Variants in AFF3 observed in about 807,000 individuals in gnomAD.
The protein encoded by AFF3 is ALF transcription elongation factor 3, also known as AF4/FMR2 family member 3.
AFF3 carries 32 observed loss-of-function variants against 129.7 expected under a neutral mutation model. The ratio of observed to expected loss-of-function variants is 0.25; its 90% CI spans 0.19 to 0.33. The LOEUF (loss-of-function observed/expected upper bound fraction) is 0.33, where lower values mean the gene tolerates loss of function less well. Ranked by LOEUF, AFF3 falls within the 10% of genes least tolerant of loss-of-function variation. The probability of loss-of-function intolerance (pLI) is 1.00; values close to 1 mark genes in which losing one functional copy is unlikely to be tolerated. For synonymous variants in AFF3, 644 were observed against 635.4 expected (o/e 1.01, Z -0.20); for missense variants, 1,373 against 1,592.0 (o/e 0.86, Z 2.34).
At chr2:99,699,689 C>T (rs1230325757) in intron 11 of AFF3, among the ~76,000 whole-genome samples, 1 of 152,186 alleles carries the variant, frequency 6.6e-6, no homozygotes. Flanking sequence ...CCTCAATTCA[C>T]ACACAAAAGT....
chr2:100,047,471 A>G (rs1466581458), intron 4 of AFF3, among the ~76,000 whole-genome samples: 2 of 152,228 alleles, frequency 1.3e-5, no homozygotes, highest in Non-Finnish European at 2.9e-5. Context: ...GGCACAACAC[A>G]GACCCCGTCC....
intron 11 of AFF3, among the ~76,000 whole-genome samples, chr2:99,689,506 A>T (rs1475876223): frequency 1.3e-5 from 2 of 151,944 alleles, no homozygotes; most frequent in Non-Finnish European, 2.9e-5. Flanking sequence ...ACCCATGTCT[A>T]TTAGTGCACT....
intron 7 of AFF3, among the ~76,000 whole-genome samples, chr2:99,944,753 G>A (rs991685792): frequency 4.6e-5 from 7 of 152,148 alleles, no homozygotes; most frequent in Admixed American, 3.3e-4. Flanking sequence ...CACGGGGCTC[G>A]CCTCTAGCCA....
intron 4 of AFF3, among the ~76,000 whole-genome samples, chr2:100,050,870 T>C (rs1181498838): frequency 1.3e-5 from 2 of 152,330 alleles, no homozygotes; most frequent in Middle Eastern, 3.4e-3. Flanking sequence ...GGGATGCTGC[T>C]ATTGACTAAT....
intron 7 of AFF3, among the ~76,000 whole-genome samples, chr2:100,004,092 T>G (rs1313684710): frequency 2.6e-5 from 4 of 152,208 alleles, no homozygotes; most frequent in Non-Finnish European, 5.9e-5. Flanking sequence ...GCCCTCCTTG[T>G]TTTTATGTCA....
intron 13 of AFF3, among the ~76,000 whole-genome samples, chr2:99,605,257 G>A (rs1379666981): frequency 6.6e-6 from 1 of 152,192 alleles, no homozygotes; most frequent in Non-Finnish European, 1.5e-5. Context: ...TAAAACAGCT[G>A]AGAGAGCCAA....
rs539962325 is a variant in AFF3 at position 99,894,532 on chromosome 2, G to A, written c.874-57008C>T. ...CGCCCAGGCTGGAGTGCAGTGGCGC[G>A]ATCTCAGCTCACTGCAAGCTCTGCC... On this transcript the variant is annotated intron_variant, in intron 7 of 24. Coordinates refer to ENST00000672756, the MANE Select transcript of AFF3 (RefSeq NM_001386135.1). Among the ~76,000 whole-genome samples the A allele has an allele frequency of 6.0e-3, 915 of 151,356 alleles. 6 individuals are homozygous for A. The highest frequency in any genetic ancestry group is 0.011 in the Non-Finnish European group (718 of 67,870).
chr2:99,895,401 A>G lies in AFF3; in HGVS notation c.874-57877T>C, dbSNP rs781752175. On this transcript the variant is annotated intron_variant, in intron 7 of 24. Coordinates refer to ENST00000672756, the MANE Select transcript of AFF3 (RefSeq NM_001386135.1). ...AACATTGAGTAGAAGTGTGTCTTTGATTTTAAAAAGATGATATGCTGAAAT... is the reference window on the plus strand; with the variant it reads ...AACATTGAGTAGAAGTGTGTCTTTGGTTTTAAAAAGATGATATGCTGAAAT... 2.0e-5 allele frequency among the ~76,000 whole-genome samples: 3 copies of G among 152,196 alleles called. No homozygotes were observed. The South Asian group carries it at 6.2e-4, about 32-fold the overall frequency.
intron 4 of AFF3, among the ~76,000 whole-genome samples, chr2:100,059,594 T>C (rs901412311): frequency 3.3e-5 from 5 of 152,198 alleles, no homozygotes; most frequent in Admixed American, 2.6e-4. Flanking sequence ...TTGTACACTT[T>C]ATATAGATGA....
At chr2:99,810,307 A>G (rs1433561954) in intron 8 of AFF3, among the ~76,000 whole-genome samples, 1 of 152,256 alleles carries the variant, frequency 6.6e-6, no homozygotes, top group Non-Finnish European at 1.5e-5. Flanking sequence ...GCAACCCCAG[A>G]GAAGTCCCTT....
At chr2:99,958,054 C>T (rs1676834979) in intron 7 of AFF3, among the ~76,000 whole-genome samples, 1 of 152,184 alleles carries the variant, frequency 6.6e-6, no homozygotes, top group Admixed American at 6.5e-5. Flanking sequence ...CCAATAAGAA[C>T]ACTGTTTTAA....
At chr2:99,778,229 CCTCCTT>C (rs926480517) in intron 8 of AFF3, among the ~76,000 whole-genome samples, 73 of 152,276 alleles carry the variant, frequency 4.8e-4, no homozygotes, top group African/African-American at 1.7e-3. Context: ...CTGGTCTCCT[CCTCCTT>C]CTCCTTCTCA....
Position 100,134,583 on chromosome 2 carries a change from T to G in AFF3, c.-227-5277A>C, listed in dbSNP as rs570278539. On this transcript the variant is annotated intron_variant, in intron 1 of 24. Transcript: ENST00000672756. ...CAAAAAACTATCATCCCAAGATCAT[T>G]TAATCTTTACCTGAATTTTTCCCTA... Among the ~76,000 whole-genome samples, 6 of 152,314 alleles carry G rather than the reference T, an allele frequency of 3.9e-5. No homozygotes were observed. The South Asian group carries it at 1.2e-3, about 32-fold the overall frequency.
At chr2:99,603,941 G>A (rs112833703) in intron 13 of AFF3, among the ~76,000 whole-genome samples, 2,182 of 152,296 alleles carry the variant, frequency 0.014, 54 homozygotes, top group African/African-American at 0.049. Context: ...TCTCACACCA[G>A]TCAGACTGGC....
chr2:99,910,162 A>C (rs1376230683), intron 7 of AFF3, among the ~76,000 whole-genome samples: 1 of 152,350 alleles, frequency 6.6e-6, no homozygotes, highest in East Asian at 1.9e-4. Context: ...ACTATTCGCT[A>C]AATATTAATT....
chr2:100,025,115 T>C (rs1683932237), intron 4 of AFF3, among the ~76,000 whole-genome samples: 1 of 152,118 alleles, frequency 6.6e-6, no homozygotes, highest in South Asian at 2.1e-4. Flanking sequence ...GATTATGTGC[T>C]ACACTATACC....
intron 8 of AFF3, among the ~76,000 whole-genome samples, chr2:99,772,605 T>C (rs1435484329): frequency 6.6e-6 from 1 of 152,186 alleles, no homozygotes; most frequent in Non-Finnish European, 1.5e-5. Flanking sequence ...CTCAGGAAGA[T>C]ATGGTGGCAA....
intron 18 of AFF3, chr2:99,572,765 G>A: frequency 2.4e-6 from 1 of 409,900 alleles, no homozygotes; most frequent in Non-Finnish European, 4.9e-6. Flanking sequence ...TTAATACACA[G>A]AGTCAGTGAA....
chr2:99,848,279 A>G (rs1416630451), intron 7 of AFF3, among the ~76,000 whole-genome samples: 1 of 151,984 alleles, frequency 6.6e-6, no homozygotes, highest in African/African-American at 2.4e-5. Context: ...TAAAATAAAT[A>G]AATGAAATGA....
Sources: allele counts gnomAD v4.1 joint callset (sites outside exome capture counted in the v4.1 genomes callset), GRCh38; gene constraint gnomAD v4.1.1; transcripts MANE v1.5; gene names NCBI Gene and HGNC (gene_info 2026-07-23, HGNC 2026-07-21).